AGBL4: variants seen among roughly 807,000 people sequenced by gnomAD.
AGBL4 encodes cytosolic carboxypeptidase 6.
A neutral mutation model predicts 66.4 loss-of-function variants in AGBL4; 58 were observed. The observed-to-expected ratio is 0.87, with a 90% CI of 0.71 to 1.09. The LOEUF (loss-of-function observed/expected upper bound fraction) is 1.09. Among genes scored for constraint, AGBL4 ranks in the 50% least tolerant of loss-of-function variants. AGBL4 has a pLI of 0.00. For synonymous variants in AGBL4, 234 were observed against 222.9 expected, an observed-to-expected ratio of 1.05 and a Z score of -0.44; for missense variants, 579 against 631.0, an observed-to-expected ratio of 0.92 and a Z score of 0.88.
At chr1:49,949,373 A>C (rs955605479) in intron 1 of AGBL4, among the ~76,000 whole-genome samples, 10 of 151,850 alleles carry the variant, frequency 6.6e-5, no homozygotes, top group African/African-American at 2.4e-4. Context: ...AGCTGGACTT[A>C]ATTAAAGAGC....
chr1:49,156,674 G>C (rs1192145249), intron 4 of AGBL4, among the ~76,000 whole-genome samples: 7 of 152,140 alleles, frequency 4.6e-5, no homozygotes, highest in African/African-American at 1.7e-4. Flanking sequence ...GAGAGTGAGT[G>C]CAACCAAGAT....
At chr1:49,351,621 C>T (rs1243660855) in intron 3 of AGBL4, among the ~76,000 whole-genome samples, 5 of 152,136 alleles carry the variant, frequency 3.3e-5, no homozygotes, top group African/African-American at 1.2e-4. Context: ...AATCATCCAA[C>T]TCTCAGTTGA....
intron 3 of AGBL4, among the ~76,000 whole-genome samples, chr1:49,300,803 T>C (rs1384805090): frequency 2.0e-5 from 3 of 152,212 alleles, no homozygotes. Flanking sequence ...CTATTCTGCA[T>C]AAAATGCCTT....
chr1:49,162,842 T>C (rs1218855917), intron 4 of AGBL4, among the ~76,000 whole-genome samples: 1 of 152,206 alleles, frequency 6.6e-6, no homozygotes, highest in Non-Finnish European at 1.5e-5. Flanking sequence ...TATTTTAAAA[T>C]GATAGCACAG....
At chr1:50,003,347 G>C (rs927186834) in intron 1 of AGBL4, among the ~76,000 whole-genome samples, 1 of 152,198 alleles carries the variant, frequency 6.6e-6, no homozygotes, top group African/African-American at 2.4e-5. Context: ...TTCAAAGATT[G>C]CTTTACTATT....
At chr1:49,633,267 A>T (rs930241573) in intron 3 of AGBL4, among the ~76,000 whole-genome samples, 3 of 152,286 alleles carry the variant, frequency 2.0e-5, no homozygotes, top group African/African-American at 7.2e-5. Context: ...TTTTATATTC[A>T]TACATGATTT....
intron 4 of AGBL4, among the ~76,000 whole-genome samples, chr1:49,196,639 T>C (rs1349064917): frequency 3.3e-5 from 5 of 151,748 alleles, no homozygotes; most frequent in Admixed American, 3.3e-4. Flanking sequence ...TATTTCTTCT[T>C]ATTTTTGAAT....
At chr1:48,771,119 A>G (rs1002680479) in intron 6 of AGBL4, among the ~76,000 whole-genome samples, 3 of 152,218 alleles carry the variant, frequency 2.0e-5, no homozygotes, top group African/African-American at 7.2e-5. Flanking sequence ...CTCTTCCTGC[A>G]TTTCCCTGGA....
intron 5 of AGBL4, among the ~76,000 whole-genome samples, chr1:48,951,124 G>A (rs939297474): frequency 1.9e-4 from 29 of 152,096 alleles, no homozygotes; most frequent in Admixed American, 2.0e-4. Context: ...TGTCACCTTC[G>A]GAGCTAAGTC....
At chr1:48,594,191 G>A (rs1399827914) in intron 9 of AGBL4, among the ~76,000 whole-genome samples, 1 of 152,130 alleles carries the variant, frequency 6.6e-6, no homozygotes, top group African/African-American at 2.4e-5. Flanking sequence ...AGCTGTGGTG[G>A]TGGGCACCTG....
At chr1:49,373,385 G>A (rs1030485666) in intron 3 of AGBL4, among the ~76,000 whole-genome samples, 3 of 152,156 alleles carry the variant, frequency 2.0e-5, no homozygotes, top group African/African-American at 7.2e-5. Context: ...ATTCAGGCAG[G>A]GATTTGCCCC....
At chr1:48,581,054 C>T (rs1644732445) in intron 11 of AGBL4, among the ~76,000 whole-genome samples, 1 of 152,084 alleles carries the variant, frequency 6.6e-6, no homozygotes, top group African/African-American at 2.4e-5. Context: ...GCAGAGTTCC[C>T]CTCTGCCAGA....
At chr1:48,756,909 G>T (rs1298729339) in intron 6 of AGBL4, among the ~76,000 whole-genome samples, 1 of 152,214 alleles carries the variant, frequency 6.6e-6, no homozygotes, top group Non-Finnish European at 1.5e-5. Flanking sequence ...GGAAGAGCTA[G>T]CCACTGGCCT....
chr1:49,704,112 T>C (rs1255322089), intron 2 of AGBL4, among the ~76,000 whole-genome samples: 1 of 152,096 alleles, frequency 6.6e-6, no homozygotes, highest in Non-Finnish European at 1.5e-5. Context: ...CCAATGTATG[T>C]ATACAGATTC....
chr1:49,839,218 G>A (rs897722989), intron 2 of AGBL4, among the ~76,000 whole-genome samples: 1 of 152,118 alleles, frequency 6.6e-6, no homozygotes, highest in African/African-American at 2.4e-5. Flanking sequence ...CAGTAAGGAG[G>A]TCAGTAATCT....
chr1:48,813,841 C>CTTT (rs767698264), intron 6 of AGBL4, among the ~76,000 whole-genome samples: 1 of 140,622 alleles, frequency 7.1e-6, no homozygotes, highest in African/African-American at 2.6e-5. Flanking sequence ...TTTTGGGTAG[C>CTTT]TTTTTTTTTT....
At chr1:48,581,750 A>T (rs1252473156) in intron 11 of AGBL4, among the ~76,000 whole-genome samples, 2 of 152,240 alleles carry the variant, frequency 1.3e-5, no homozygotes, top group East Asian at 3.8e-4. Context: ...ATCTGCATGC[A>T]TTCTCCCATG....
At chr1:49,761,515 T>C (rs1290672260) in intron 2 of AGBL4, among the ~76,000 whole-genome samples, 1 of 152,222 alleles carries the variant, frequency 6.6e-6, no homozygotes, top group Non-Finnish European at 1.5e-5. Context: ...CGTTAGTCTC[T>C]TCCCTTTTTG....
chr1:49,361,284 T>C (rs897376854), intron 3 of AGBL4, among the ~76,000 whole-genome samples: 1 of 152,226 alleles, frequency 6.6e-6, no homozygotes, highest in East Asian at 1.9e-4. Flanking sequence ...GATTTCTATT[T>C]AGCCCTCTAT....
Sources: allele counts gnomAD v4.1 joint callset (sites outside exome capture counted in the v4.1 genomes callset), GRCh38; gene constraint gnomAD v4.1.1; transcripts MANE v1.5; gene names NCBI Gene and HGNC (gene_info 2026-07-23, HGNC 2026-07-21).